HMCN1: variants seen among roughly 807,000 people sequenced by gnomAD.
The protein encoded by HMCN1 is hemicentin 1.
HMCN1 carries 321 observed loss-of-function variants against 625.9 expected under a neutral mutation model. The ratio of observed to expected loss-of-function variants is 0.51; its 90% CI spans 0.47 to 0.56. The LOEUF is 0.56. Ranked by LOEUF, HMCN1 falls within the 20% of genes least tolerant of loss-of-function variation. The pLI, the probability that HMCN1 is intolerant of heterozygous loss-of-function variation, is 0.00. For synonymous variants in HMCN1, 2,425 were observed against 2,417.6 expected (o/e 1.00, Z -0.09); for missense variants, 6,588 against 6,887.3 (o/e 0.96, Z 1.54).
intron 4 of HMCN1, among the ~76,000 whole-genome samples, chr1:185,894,338 A>G (rs1014108838): frequency 6.6e-6 from 1 of 152,168 alleles, no homozygotes; most frequent in Non-Finnish European, 1.5e-5. Flanking sequence ...GTTCATTCTC[A>G]TTGATGTATA....
At chr1:185,954,164 A>T (rs540499941) in intron 11 of HMCN1, among the ~76,000 whole-genome samples, 12 of 152,302 alleles carry the variant, frequency 7.9e-5, no homozygotes, top group Non-Finnish European at 1.8e-4. Flanking sequence ...GGGAGTATAT[A>T]AGTGCAAGTC....
intron 20 of HMCN1, among the ~76,000 whole-genome samples, chr1:185,988,372 A>G (rs984489999): frequency 1.8e-4 from 28 of 152,246 alleles, no homozygotes; most frequent in African/African-American, 5.8e-4. Context: ...AACCCAGCAA[A>G]TACAAAGTAA....
At chr1:185,996,146 A>T (rs1652771317) in intron 24 of HMCN1, among the ~76,000 whole-genome samples, 1 of 152,182 alleles carries the variant, frequency 6.6e-6, no homozygotes, top group Non-Finnish European at 1.5e-5. Context: ...GACATTGGTT[A>T]TGCCCTCATG....
chr1:185,813,864 A>G (rs1659682277), intron 1 of HMCN1, among the ~76,000 whole-genome samples: 1 of 152,184 alleles, frequency 6.6e-6, no homozygotes, highest in Non-Finnish European at 1.5e-5. Context: ...CACACCAGAA[A>G]CTGGAACAGA....
intron 93 of HMCN1, among the ~76,000 whole-genome samples, chr1:186,149,955 G>A (rs1379056883): frequency 6.6e-6 from 1 of 151,986 alleles, no homozygotes; most frequent in East Asian, 1.9e-4. Context: ...AATTACAATA[G>A]TAACATCCAA....
rs982634703 is a variant in HMCN1, at chr1:185,848,711, T to C, written c.339+2615T>C. 1.3e-5 allele frequency among the ~76,000 whole-genome samples: 2 copies of C among 152,192 alleles called. 1 individual carries two copies. On this transcript the variant is annotated intron_variant, in intron 2 of 106. Transcript: ENST00000271588. ...TTTTGTCTCCTCCTTGTTACCTTTGTGAATGATGTTATAGTATTCTGGTTA... is the reference window on the plus strand; with the variant it reads ...TTTTGTCTCCTCCTTGTTACCTTTGCGAATGATGTTATAGTATTCTGGTTA...
At chr1:185,762,659 T>C (rs1397023983) in intron 1 of HMCN1, among the ~76,000 whole-genome samples, 1 of 152,118 alleles carries the variant, frequency 6.6e-6, no homozygotes, top group Non-Finnish European at 1.5e-5. Flanking sequence ...TTCAGCAGTA[T>C]TGACCATAAC....
At position 185,989,629 on chromosome 1, in the gene HMCN1, G is replaced by A. The variant is rs1210135697; in HGVS notation, c.3190G>A (p.Val1064Met). ...TNTAGYAKRKVQLTVYVRPRV... is the reference protein window; with the variant it reads ...TNTAGYAKRKMQLTVYVRPRV... ...TACAGCCGGCTACGCCAAAAGGAAA[G>A]TGCAGCTAACAGTCTATGGTGAGAG... is the stretch of plus-strand genomic sequence containing the variant. The change falls in exon 21 of 107, where the codon GTG (valine) becomes ATG (methionine). Residue 1064 changes from valine (V) to methionine (M), a missense_variant. By Grantham distance (21) the Val-to-Met change is conservative. Around this residue, in one of 3 missense-constraint regions of HMCN1, gnomAD observed 4,628 missense variants for 4,853.1 expected, o/e 0.95. Coordinates refer to ENST00000271588, the MANE Select transcript of HMCN1 (RefSeq NM_031935.3). The A allele has an allele frequency of 6.2e-7, 1 of 1,613,916 alleles. No homozygotes were observed. Among genetic ancestry groups the A allele is most frequent in the Admixed American group, 1.7e-5 (1 of 60,008 alleles).
chr1:185,982,614 A>AT (rs1206037730), intron 18 of HMCN1, among the ~76,000 whole-genome samples: 2 of 151,028 alleles, frequency 1.3e-5, no homozygotes, highest in Admixed American at 6.6e-5. Context: ...TAATTTTTGT[A>AT]TTTTTTAGCA....
intron 97 of HMCN1, among the ~76,000 whole-genome samples, chr1:186,155,475 C>T (rs187723504): frequency 2.1e-3 from 322 of 152,220 alleles, no homozygotes; most frequent in Admixed American, 3.8e-3. Context: ...TTTTTCAGTA[C>T]TCCATCTAAT....
At position 186,001,611 on chromosome 1, in the gene HMCN1, T is replaced by C; in HGVS notation, c.4218T>C (p.Thr1406=). Residue 1406 remains threonine (T), a synonymous_variant, in exon 28 of 107, where the codon ACT becomes ACC. Coordinates refer to ENST00000271588, the MANE Select transcript of HMCN1 (RefSeq NM_031935.3). ...CCTTAAAGGTGACTGAAAGCAGCAC[T>C]ATTCAGACTGTGAACAATGGGAAGA... is the stretch of plus-strand genomic sequence containing the variant. ...KDNVQVTESS[T]IQTVNNGKIL... 1.9e-6 allele frequency: 3 copies of C among 1,613,178 alleles called. No homozygotes were observed. Among genetic ancestry groups the C allele is most frequent in the Non-Finnish European group, 2.5e-6 (3 of 1,179,324 alleles).
intron 68 of HMCN1, among the ~76,000 whole-genome samples, chr1:186,100,782 T>C (rs1159495299): frequency 6.6e-6 from 1 of 152,162 alleles, no homozygotes; most frequent in Non-Finnish European, 1.5e-5. Flanking sequence ...AGGTAGGCAG[T>C]TGTTGGATTG....
chr1:186,147,962 T>G (rs1385149721), intron 93 of HMCN1, among the ~76,000 whole-genome samples: 1 of 152,200 alleles, frequency 6.6e-6, no homozygotes. Flanking sequence ...ATCAATTGAT[T>G]CTTCCTTTCA....
rs1426474792 is a variant in HMCN1, at chr1:186,136,718, G to A, written c.13363G>A (p.Gly4455Ser). ...EPVETVINAG[G>S]KIILNCQATG... ...AGTGGAAACTGTTATTAATGCTGGT[G>A]GCAAAATCATATTGAATTGTCAGGC... is the stretch of plus-strand genomic sequence containing the variant. Residue 4455 changes from glycine (G) to serine (S), a missense_variant, in exon 87 of 107, where the codon GGC (glycine) becomes AGC (serine). Around this residue, in one of 3 missense-constraint regions of HMCN1, gnomAD observed 1,954 missense variants for 2,013.1 expected, o/e 0.97. Transcript: ENST00000271588. 1.9e-6 allele frequency: 3 copies of A among 1,613,790 alleles called. No individual in the cohort carries two copies. Among genetic ancestry groups the A allele is most frequent in the African/African-American group, 1.3e-5 (1 of 74,884 alleles).
At chr1:185,852,029 T>C (rs1662193374) in intron 2 of HMCN1, among the ~76,000 whole-genome samples, 1 of 151,970 alleles carries the variant, frequency 6.6e-6, no homozygotes, top group South Asian at 2.1e-4. Flanking sequence ...CATAGCAACA[T>C]GATAGAGTTA....
intron 4 of HMCN1, among the ~76,000 whole-genome samples, chr1:185,877,847 A>G (rs751690269): frequency 6.6e-6 from 1 of 151,954 alleles, no homozygotes; most frequent in Non-Finnish European, 1.5e-5. Flanking sequence ...GGTACTAAAC[A>G]TAGTATCTGA....
chr1:185,869,153 T>G (rs930025070), intron 4 of HMCN1, among the ~76,000 whole-genome samples: 7 of 152,230 alleles, frequency 4.6e-5, no homozygotes, highest in Non-Finnish European at 8.8e-5. Context: ...CCCATCCTAC[T>G]GCTAAACCTC....
chr1:185,850,846 GA>G (rs887858245), intron 2 of HMCN1, among the ~76,000 whole-genome samples: 1 of 151,778 alleles, frequency 6.6e-6, no homozygotes, highest in South Asian at 2.1e-4. Flanking sequence ...ACCAGCAAGG[GA>G]AAAAAATCAA....
At chr1:185,779,190 GTTGT>G (rs777837597) in intron 1 of HMCN1, among the ~76,000 whole-genome samples, 2 of 152,176 alleles carry the variant, frequency 1.3e-5, no homozygotes, top group Non-Finnish European at 2.9e-5. Context: ...TTTTGGTGGG[GTTGT>G]TTGTTTTTTT....
Sources: allele counts gnomAD v4.1 joint callset (sites outside exome capture counted in the v4.1 genomes callset), GRCh38; gene constraint gnomAD v4.1.1; regional missense constraint gnomAD v4.1.1; transcripts MANE v1.5; gene names NCBI Gene and HGNC (gene_info 2026-07-23, HGNC 2026-07-21).